FYN: variants seen among roughly 807,000 people sequenced by gnomAD.
FYN encodes the protein FYN proto-oncogene, Src family tyrosine kinase.
In FYN, 10 loss-of-function variants were observed where a neutral mutation model predicts 70.2. That is an observed-to-expected ratio of 0.14 (90% CI 0.09 to 0.24). The LOEUF (loss-of-function observed/expected upper bound fraction) is 0.24. FYN is among the 10% of genes least tolerant of loss of function. FYN has a pLI of 1.00. For synonymous variants in FYN, 236 were observed against 248.6 expected (o/e 0.95, Z 0.48); for missense variants, 319 against 673.1 (o/e 0.47, Z 5.82).
chr6:111,829,108 A>G (rs1341302029), intron 2 of FYN, among the ~76,000 whole-genome samples: 1 of 152,266 alleles, frequency 6.6e-6, no homozygotes, highest in Non-Finnish European at 1.5e-5. Context: ...TGAGCTACTA[A>G]ATGGAAAACT....
chr6:111,693,385 C>T (rs1352166887), intron 12 of FYN, among the ~76,000 whole-genome samples: 1 of 152,076 alleles, frequency 6.6e-6, no homozygotes, highest in Non-Finnish European at 1.5e-5. Flanking sequence ...TGAAAGTTCC[C>T]CCTTGCCCCA....
intron 4 of FYN, among the ~76,000 whole-genome samples, chr6:111,717,697 C>G (rs1800727205): frequency 6.6e-6 from 1 of 152,190 alleles, no homozygotes; most frequent in African/African-American, 2.4e-5. Flanking sequence ...CTCCTGCGCT[C>G]AAGTGATCCA....
intron 3 of FYN, among the ~76,000 whole-genome samples, chr6:111,735,341 A>G (rs1449608521): frequency 2.0e-5 from 3 of 152,190 alleles, no homozygotes; most frequent in African/African-American, 7.2e-5. Flanking sequence ...CAAATCTTAA[A>G]CAACTATGAG....
intron 1 of FYN, among the ~76,000 whole-genome samples, chr6:111,871,702 T>C (rs1474180050): frequency 6.6e-6 from 1 of 152,178 alleles, no homozygotes; most frequent in Non-Finnish European, 1.5e-5. Context: ...CCCACACCAA[T>C]CTACTCTACC....
At chr6:111,761,940 C>T (rs1160254641) in intron 3 of FYN, among the ~76,000 whole-genome samples, 1 of 152,148 alleles carries the variant, frequency 6.6e-6, no homozygotes, top group African/African-American at 2.4e-5. Flanking sequence ...GTCAGCTCAC[C>T]GTCAAAGCAG....
intron 3 of FYN, among the ~76,000 whole-genome samples, chr6:111,733,071 T>C (rs9487712): frequency 0.14 from 20,536 of 152,098 alleles, 2,833 homozygotes; most frequent in African/African-American, 0.35. Context: ...AGGGTGGCTG[T>C]GTGGGCCACG....
intron 2 of FYN, among the ~76,000 whole-genome samples, chr6:111,797,288 T>C (rs79990009): frequency 6.6e-6 from 1 of 152,170 alleles, no homozygotes; most frequent in Non-Finnish European, 1.5e-5. Context: ...AAAATTAGGC[T>C]GAGTGAAAGG....
Position 111,662,423 on chromosome 6 carries a change from T to G in FYN, c.1406-476A>C, listed in dbSNP as rs531677620. The stretch of plus-strand genomic sequence containing the variant: ...TTGCGGGTCACATATGATCCCTGTC[T>G]TCTTCTTTTTAACAACCCTTTAAAA... On this transcript the variant is annotated intron_variant, in intron 13 of 13. Coordinates refer to ENST00000354650, the MANE Select transcript of FYN (RefSeq NM_002037.5). 1.3e-3 allele frequency among the ~76,000 whole-genome samples: 198 copies of G among 152,284 alleles called. 2 individuals are homozygous for G. The highest frequency in any genetic ancestry group is 4.8e-3 in the South Asian group (23 of 4,814).
rs556859957 is a variant in FYN, at chr6:111,792,018, C to A, written c.-81-11383G>T. Among the ~76,000 whole-genome samples, 57 of 147,118 alleles carry A rather than the reference C, an allele frequency of 3.9e-4. No homozygotes were observed. The Middle Eastern group carries it at 0.01, about 27-fold the overall frequency. On this transcript the variant is annotated intron_variant, in intron 2 of 13. Transcript: ENST00000354650. ...AAGAGAACACAAAAAGTGTTAACCA[C>A]GAAGGAAAATATAATTTGGACTATA...
At chr6:111,776,418 T>C (rs1385345231) in intron 3 of FYN, among the ~76,000 whole-genome samples, 1 of 152,184 alleles carries the variant, frequency 6.6e-6, no homozygotes, top group East Asian at 1.9e-4. Context: ...TGCCTCCAAA[T>C]CCCATTCATC....
chr6:111,784,363 T>C (rs1389957192), intron 2 of FYN, among the ~76,000 whole-genome samples: 1 of 152,112 alleles, frequency 6.6e-6, no homozygotes, highest in Non-Finnish European at 1.5e-5. Context: ...AAGAACAGAA[T>C]GCCAAGGCCC....
At chr6:111,822,584 C>A (rs1772702599) in intron 2 of FYN, among the ~76,000 whole-genome samples, 1 of 151,582 alleles carries the variant, frequency 6.6e-6, no homozygotes, top group South Asian at 2.1e-4. Context: ...ACATATGTAA[C>A]AAACCTGCAC....
intron 3 of FYN, among the ~76,000 whole-genome samples, chr6:111,745,257 A>G (rs1011474212): frequency 2.0e-5 from 3 of 152,198 alleles, no homozygotes; most frequent in Non-Finnish European, 4.4e-5. Flanking sequence ...TGTCCAGCCC[A>G]TGGGAGAAGG....
intron 5 of FYN, among the ~76,000 whole-genome samples, chr6:111,710,411 T>G (rs950965044): frequency 2.0e-5 from 3 of 152,196 alleles, no homozygotes; most frequent in Non-Finnish European, 4.4e-5. Context: ...CTCATTTTGG[T>G]CTAGGTACCT....
chr6:111,813,100 T>C (rs1772377398), intron 2 of FYN, among the ~76,000 whole-genome samples: 4 of 152,234 alleles, frequency 2.6e-5, no homozygotes, highest in South Asian at 4.1e-4. Flanking sequence ...ACAAGTGCAA[T>C]TGTGTTGTAA....
intron 1 of FYN, among the ~76,000 whole-genome samples, chr6:111,848,368 G>A (rs1406487115): frequency 6.6e-6 from 1 of 152,096 alleles, no homozygotes; most frequent in African/African-American, 2.4e-5. Context: ...AACAACATAG[G>A]ATGCCCAATT....
intron 2 of FYN, among the ~76,000 whole-genome samples, chr6:111,818,135 C>T (rs188351914): frequency 6.4e-4 from 97 of 152,302 alleles, no homozygotes; most frequent in South Asian, 2.1e-3. Flanking sequence ...GGGTTCACCA[C>T]GCTAAGAATA....
intron 12 of FYN, among the ~76,000 whole-genome samples, chr6:111,681,217 G>A (rs1282001140): frequency 2.0e-5 from 3 of 151,800 alleles, no homozygotes; most frequent in African/African-American, 7.3e-5. Flanking sequence ...TAGTAGAGGC[G>A]GTGTTTCACC....
At chr6:111,782,641 A>G (rs1771218211) in intron 2 of FYN, among the ~76,000 whole-genome samples, 2 of 152,190 alleles carry the variant, frequency 1.3e-5, no homozygotes, top group Admixed American at 1.3e-4. Flanking sequence ...TGTGTGACAC[A>G]AGCATAATGC....
Sources: allele counts gnomAD v4.1 joint callset (sites outside exome capture counted in the v4.1 genomes callset), GRCh38; gene constraint gnomAD v4.1.1; transcripts MANE v1.5; gene names NCBI Gene and HGNC (gene_info 2026-07-23, HGNC 2026-07-21).